The following WDR59 variants were observed in gnomAD, a reference collection of about 807,000 sequenced individuals.
WDR59 encodes WD repeat domain 59, also known as GATOR2 complex protein WDR59.
Under a neutral mutation model 131.2 loss-of-function variants are expected in WDR59, and 100 were observed. The ratio of observed to expected loss-of-function variants is 0.76; its 90% CI spans 0.65 to 0.90. The LOEUF (loss-of-function observed/expected upper bound fraction) is 0.90, where lower values mean the gene tolerates loss of function less well. Ranked by LOEUF, WDR59 falls within the 40% of genes least tolerant of loss-of-function variation. The pLI is 0.00. For missense variants in WDR59, 1,203 were observed against 1,262.2 expected (o/e 0.95, Z 0.71); for synonymous variants, 601 against 466.2 (o/e 1.29, Z -3.72).
At chr16:74,945,402 G>C (rs957929973) in intron 6 of WDR59, among the ~76,000 whole-genome samples, 2 of 151,158 alleles carry the variant, frequency 1.3e-5, no homozygotes, top group Admixed American at 1.3e-4. Context: ...GCGAGAACCT[G>C]GGAGGCAGAG....
In WDR59 at chr16:74,931,873, CA is replaced by C. The variant is rs200923487; in HGVS notation, c.651+6276del. Among the ~76,000 whole-genome samples, 52 of 143,230 alleles carry C rather than the reference CA, an allele frequency of 3.6e-4. 2 individuals are homozygous for C. Among genetic ancestry groups the C allele is most frequent in the Middle Eastern group, 3.5e-3 (1 of 284 alleles). The allele number at this position is 143,230 out of a possible 152,430, so 94.0% of individuals were successfully genotyped here. On this transcript the variant is annotated intron_variant, in intron 8 of 25. Coordinates refer to ENST00000262144, the MANE Select transcript of WDR59 (RefSeq NM_030581.4). ...TGGGTAACAGAGCAAGATCTTGTCT[CA>C]AAAAAAAAAGAACAACTTAGCTATT...
intron 1 of WDR59, among the ~76,000 whole-genome samples, chr16:74,984,312 TA>T (rs973731582): frequency 3.3e-5 from 5 of 151,880 alleles, no homozygotes; most frequent in Admixed American, 1.3e-4. Context: ...AATAGAAAAT[TA>T]AAAAATAAAA....
intron 8 of WDR59, among the ~76,000 whole-genome samples, chr16:74,936,889 C>G (rs2031844447): frequency 6.6e-6 from 1 of 151,950 alleles, no homozygotes; most frequent in African/African-American, 2.4e-5. Flanking sequence ...ACAAAAAAGT[C>G]ACATCTGACA....
rs758126318 is a variant in WDR59, at chr16:74,888,312, G to T, written c.2203C>A (p.His735Asn). Reference sequence around the variant, plus strand: ...TGAACATCCCGGAGCCGGCAATAGTGAGCCAACCTGAGGAAAAGATAAGAG... The same window carrying T: ...TGAACATCCCGGAGCCGGCAATAGTTAGCCAACCTGAGGAAAAGATAAGAG... ...GRQLLESLLA[H>N]YCRLRDVQTL... The change falls in exon 22 of 26, where the codon CAC becomes AAC. Residue 735 changes from histidine to asparagine, a missense_variant. Coordinates refer to ENST00000262144, the MANE Select transcript of WDR59 (RefSeq NM_030581.4). The T allele has an allele frequency of 6.2e-7, 1 of 1,611,492 alleles. No individual in the cohort carries two copies. The highest frequency in any genetic ancestry group is 8.5e-7 in the Non-Finnish European group (1 of 1,179,190).
At chr16:74,904,165 T>C in intron 17 of WDR59, 65 bp from the exon 18 acceptor site, 1 of 1,545,300 alleles carries the variant, frequency 6.5e-7, no homozygotes, top group East Asian at 2.3e-5. Flanking sequence ...AGTGGTGCTA[T>C]TCTTAGCACT....
At chr16:74,917,859 C>T (rs1966468041) in intron 11 of WDR59, 70 bp downstream of exon 11, 15 of 1,402,198 alleles carry the variant, frequency 1.1e-5, no homozygotes, top group South Asian at 9.8e-5. Context: ...CTCTAATTTC[C>T]GCAAATCCTG....
intron 2 of WDR59, among the ~76,000 whole-genome samples, chr16:74,958,847 G>A (rs1409781443): frequency 1.4e-5 from 1 of 72,698 alleles, no homozygotes; most frequent in Non-Finnish European, 3.2e-5. Context: ...TGGATCACCT[G>A]AGGTCAGGAG....
At position 74,965,833 on chromosome 16, in the gene WDR59, G is replaced by C. The variant is rs373280660; in HGVS notation, c.55-11C>G. On this transcript the variant is annotated splice_polypyrimidine_tract_variant and intron_variant, in intron 1 of 25. Transcript: ENST00000262144. ...AGACATCGCAGTTGCCTGAGAGAGA[G>C]AACACAGAGTCAGTGCTGCCAGCAA... The C allele has an allele frequency of 2.5e-6, 4 of 1,613,948 alleles. No individual in the cohort carries two copies. The highest frequency in any genetic ancestry group is 3.4e-6 in the Non-Finnish European group (4 of 1,180,014).
intron 8 of WDR59, among the ~76,000 whole-genome samples, chr16:74,928,466 G>C (rs2031072045): frequency 6.7e-6 from 1 of 150,332 alleles, no homozygotes; most frequent in East Asian, 2.0e-4. Flanking sequence ...TGATCTGCTT[G>C]CCTAAACCTC....
intron 1 of WDR59, among the ~76,000 whole-genome samples, chr16:74,980,391 C>G (rs2034354478): frequency 1.4e-5 from 2 of 139,424 alleles, no homozygotes; most frequent in African/African-American, 5.4e-5. Context: ...GAGTTTCGCT[C>G]TTGCCCAGGC....
chr16:74,942,341 G>A (rs2032298495), intron 7 of WDR59, among the ~76,000 whole-genome samples: 1 of 152,124 alleles, frequency 6.6e-6, no homozygotes, highest in South Asian at 2.1e-4. Context: ...ATTTCACTTT[G>A]CAAGCAGGGG....
chr16:74,927,421 C>G (rs977038885), intron 8 of WDR59, among the ~76,000 whole-genome samples: 1 of 151,862 alleles, frequency 6.6e-6, no homozygotes, highest in African/African-American at 2.4e-5. Context: ...AACCCCAACT[C>G]TACTAAAAAT....
intron 3 of WDR59, among the ~76,000 whole-genome samples, chr16:74,954,085 C>T (rs1567428670): frequency 1.3e-5 from 2 of 151,742 alleles, no homozygotes; most frequent in Non-Finnish European, 2.9e-5. Context: ...AGATACTCAA[C>T]ATCCTTAGTC....
At chr16:74,896,639 A>AAG (rs1965313057) in intron 18 of WDR59, among the ~76,000 whole-genome samples, 1 of 152,002 alleles carries the variant, frequency 6.6e-6, no homozygotes, top group African/African-American at 2.4e-5. Context: ...TGCCTAAAAA[A>AAG]AAAAAAAAAA....
In WDR59 at chr16:74,916,199, G is replaced by C. The variant is rs1271664490; in HGVS notation, c.1027C>G (p.Pro343Ala). 1 of 1,613,994 alleles carries C rather than the reference G, an allele frequency of 6.2e-7. No individual in the cohort carries two copies. Among genetic ancestry groups the C allele is most frequent in the Non-Finnish European group, 8.5e-7 (1 of 1,179,932 alleles). The change falls in exon 12 of 26, where the codon CCG becomes GCG. Residue 343 changes from proline to alanine, a missense_variant. Pro to Ala is a conservative substitution (Grantham distance 27). Transcript: ENST00000262144. ...GTGTGCAGGGTCTTCTCAGGTTCCGGCAGAAGGGAAATACTCTCAATGAAC... is the reference window on the plus strand; with the variant it reads ...GTGTGCAGGGTCTTCTCAGGTTCCGCCAGAAGGGAAATACTCTCAATGAAC... ...DEFIESISLL[P>A]EPEKTLHTED... is the part of the protein sequence containing the mutation.
chr16:74,874,503 G>C (rs1964113013), intron 25 of WDR59, 59 bp from the exon 26 acceptor site: 17 of 1,477,680 alleles, frequency 1.2e-5, no homozygotes, highest in Non-Finnish European at 1.6e-5. Context: ...TCTGAAAAAG[G>C]AAACTGGGGC....
chr16:74,979,405 A>G (rs1476712408), intron 1 of WDR59, among the ~76,000 whole-genome samples: 7 of 151,648 alleles, frequency 4.6e-5, no homozygotes, highest in African/African-American at 1.2e-4. Flanking sequence ...GGCGGAGCTT[A>G]CAGTGAGCCA....
intron 5 of WDR59, 51 bp downstream of exon 5, chr16:74,949,667 A>C: frequency 1.9e-6 from 3 of 1,544,108 alleles, no homozygotes; most frequent in Non-Finnish European, 2.7e-6. Context: ...TCTAAAACAA[A>C]GGTCCCAAAT....
intron 10 of WDR59, 104 bp from the exon 11 acceptor site, chr16:74,918,112 T>C: frequency 5.6e-6 from 6 of 1,078,382 alleles, no homozygotes; most frequent in Middle Eastern, 2.2e-4. Flanking sequence ...AACAAACATC[T>C]ACTGAACATT....
Sources: allele counts gnomAD v4.1 joint callset (sites outside exome capture counted in the v4.1 genomes callset), GRCh38; gene constraint gnomAD v4.1.1; transcripts MANE v1.5; gene names NCBI Gene and HGNC (gene_info 2026-07-23, HGNC 2026-07-21).